Variants in MED25 observed in about 807,000 individuals in gnomAD.
The protein encoded by MED25 is mediator of RNA polymerase II transcription subunit 25.
MED25 carries 62 observed loss-of-function variants against 89.4 expected under a neutral mutation model. The ratio of observed to expected loss-of-function variants is 0.69; its 90% CI spans 0.57 to 0.86. MED25 has a LOEUF of 0.86. Among genes scored for constraint, MED25 ranks in the 40% least tolerant of loss-of-function variants. MED25 has a pLI of 0.00. For missense variants in MED25, 905 were observed against 1,005.2 expected (o/e 0.90, Z 1.35); for synonymous variants, 449 against 427.9 (o/e 1.05, Z -0.61).
At position 49,834,155 on chromosome 19, in the gene MED25, G is replaced by C. The variant is rs973206635; in HGVS notation, c.1483-831G>C. The C allele has an allele frequency of 1.3e-5, 2 of 152,228 alleles. No individual in the cohort carries two copies. The highest frequency in any genetic ancestry group is 2.9e-5 in the Non-Finnish European group (2 of 68,080). 9.4% of individuals were successfully genotyped at this position (152,228 alleles called of 1,614,324 possible). A position where few individuals can be genotyped will look rare whatever the true frequency, so the allele number is the denominator to read the frequency against. On this transcript the variant is annotated intron_variant, in intron 13 of 17. Transcript: ENST00000312865. The surrounding 1 kb of genome is among the most constrained non-coding windows in gnomAD (Gnocchi z 4.1). ...AGGCATTCCTTTCACCTCCTATCCC[G>C]GACCTAGGCCACTGGGCAGCCCCTA... is the stretch of plus-strand genomic sequence containing the variant.
chr19:49,826,904 C>G (rs895953957), intron 3 of MED25, among the ~76,000 whole-genome samples: 3 of 152,084 alleles, frequency 2.0e-5, no homozygotes, highest in Non-Finnish European at 4.4e-5. Context: ...TCGGAGGCCT[C>G]GGATGCTGGG....
downstream of MED25, among the ~76,000 whole-genome samples, chr19:49,837,371 AG>A (rs2074107163): frequency 6.6e-6 from 1 of 152,222 alleles, no homozygotes; most frequent in Non-Finnish European, 1.5e-5. Flanking sequence ...AGACATTGAG[AG>A]GAGCAAGTTG....
chr19:49,823,753 G>A lies in MED25; in HGVS notation c.305+4457G>A, dbSNP rs562147080. On this transcript the variant is annotated intron_variant, in intron 3 of 17. Transcript: ENST00000312865. ...AAGGTGACACAGAAGCTTCCCCTTC[G>A]CGGTAGCTGGAATTCGTAGGTAACA... is the stretch of plus-strand genomic sequence containing the variant. 1.1e-4 allele frequency among the ~76,000 whole-genome samples: 17 copies of A among 152,256 alleles called. No individual in the cohort carries two copies. In the South Asian group the frequency reaches 1.4e-3, roughly 13 times the overall value.
At chr19:49,821,642 G>A (rs990293579) in intron 3 of MED25, among the ~76,000 whole-genome samples, 3 of 151,486 alleles carry the variant, frequency 2.0e-5, no homozygotes, top group African/African-American at 7.3e-5. Context: ...ACCTCCCTAA[G>A]TGCTGGAGTG....
Position 49,830,649 on chromosome 19 carries a change from C to T in MED25, c.908-45C>T, listed in dbSNP as rs775214923. Reference sequence around the variant, plus strand: ...GCGGGCAGGGGCCAGGCAGGCCTCTCTCCACACACTTGTTCCCCACTTCTT... The same window carrying T: ...GCGGGCAGGGGCCAGGCAGGCCTCTTTCCACACACTTGTTCCCCACTTCTT... On this transcript the variant is annotated intron_variant, in intron 8 of 17. Transcript: ENST00000312865. This position sits in a 1 kb window ranked among gnomAD's most constrained non-coding sequence, Gnocchi z 4.6. 1.2e-6 allele frequency: 2 copies of T among 1,612,494 alleles called. No individual in the cohort carries two copies. The highest frequency in any genetic ancestry group is 1.7e-5 in the Admixed American group (1 of 60,004).
At chr19:49,837,218 T>C (rs1396266506), downstream of MED25, among the ~76,000 whole-genome samples, 5 of 152,150 alleles carry the variant, frequency 3.3e-5, no homozygotes, top group African/African-American at 1.2e-4. Flanking sequence ...CATGGGAGCC[T>C]GGAAGAGGCA....
chr19:49,831,527 C>T lies in MED25; in HGVS notation c.1230+66C>T. The stretch of plus-strand genomic sequence containing the variant: ...GGGCCGTGGGGCTGGGCATGTAGGA[C>T]TCATGGGGCCAGATGCGTGGGGTCT... On this transcript the variant is annotated intron_variant, in intron 10 of 17. Transcript: ENST00000312865. This position sits in a 1 kb window ranked among gnomAD's most constrained non-coding sequence, Gnocchi z 5.0. 1 of 1,566,180 alleles carries T rather than the reference C, an allele frequency of 6.4e-7. No homozygotes were observed. The highest frequency in any genetic ancestry group is 1.7e-4 in the Middle Eastern group (1 of 5,864).
intron 3 of MED25, among the ~76,000 whole-genome samples, chr19:49,824,410 C>G (rs1362898184): frequency 6.6e-6 from 1 of 151,966 alleles, no homozygotes; most frequent in Non-Finnish European, 1.5e-5. Context: ...GTATGTAATA[C>G]AAAAACAACA....
chr19:49,819,182 C>T lies in MED25; in HGVS notation c.191C>T (p.Thr64Ile). 6.2e-7 allele frequency: 1 copy of T among 1,614,186 alleles called. No individual in the cohort carries two copies. Among genetic ancestry groups the T allele is most frequent in the African/African-American group, 1.3e-5 (1 of 75,052 alleles). Residue 64 changes from threonine (T) to isoleucine (I), a missense_variant, in exon 3 of 18, where the codon ACC becomes ATC. Thr to Ile is a moderately conservative substitution (Grantham distance 89). Transcript: ENST00000312865. The stretch of plus-strand genomic sequence containing the variant: ...GTCCTCCCCTCCCAGTATGGGGGGA[C>T]CCAGTACAGCCTCGTGGTGTTCAAC... ...ETDFGGDYGG[T>I]QYSLVVFNTV...
chr19:49,829,651 G>A lies in MED25; in HGVS notation c.526-135G>A. 1 of 949,170 alleles carries A rather than the reference G, an allele frequency of 1.1e-6. No individual in the cohort carries two copies. Among genetic ancestry groups the A allele is most frequent in the Non-Finnish European group, 1.6e-6 (1 of 635,786 alleles). 58.8% of individuals were successfully genotyped at this position (949,170 alleles called of 1,614,324 possible). On this transcript the variant is annotated intron_variant, in intron 5 of 17. Transcript: ENST00000312865. The surrounding 1 kb of genome is among the most constrained non-coding windows in gnomAD (Gnocchi z 4.6). ...GTGATACCTGGTTTCAGGGTCTCCT[G>A]CCTCAAAGCCCAATGGGAATTGTGG...
In MED25 at chr19:49,835,051, G is replaced by A. The variant is rs370402922; in HGVS notation, c.1548G>A (p.Ser516=). 33 of 1,613,942 alleles carry A rather than the reference G, an allele frequency of 2.0e-5. No homozygotes were observed. The highest frequency in any genetic ancestry group is 8.0e-5 in the African/African-American group (6 of 74,860). Residue 516 remains serine (S), a synonymous_variant, in exon 14 of 18, where the codon TCG becomes TCA. Coordinates refer to ENST00000312865, the MANE Select transcript of MED25 (RefSeq NM_030973.4). The surrounding 1 kb of genome is among the most constrained non-coding windows in gnomAD (Gnocchi z 6.2). ...CEVRVLMLLY[S]SKKKIFMGLI... is the part of the protein sequence containing the mutation. ...TGCGCGTGCTCATGCTCCTGTACTC[G>A]TCCAAGAAGAAGATCTTCATGGGCC...
At chr19:49,825,227 A>G (rs1358487608) in intron 3 of MED25, among the ~76,000 whole-genome samples, 1 of 152,010 alleles carries the variant, frequency 6.6e-6, no homozygotes, top group Non-Finnish European at 1.5e-5. Flanking sequence ...AGTTTATCAC[A>G]CTTTTCCTCA....
Position 49,836,379 on chromosome 19 carries a change from C to A in MED25, c.2119C>A (p.Gln707Lys), listed in dbSNP as rs1446947813. ...HPPPAQSWPAQLPPRAPLPGQ... is the reference protein window; with the variant it reads ...HPPPAQSWPAKLPPRAPLPGQ... ...ACCACCTGCCCAGTCCTGGCCCGCA[C>A]AACTTCCCCCTCGGGCTCCACTGCC... The change falls in exon 17 of 18, where the codon CAA becomes AAA. Residue 707 changes from glutamine (Q) to lysine (K), a missense_variant. Coordinates refer to ENST00000312865, the MANE Select transcript of MED25 (RefSeq NM_030973.4). The surrounding 1 kb of genome is among the most constrained non-coding windows in gnomAD (Gnocchi z 5.1). 19 of 1,604,078 alleles carry A rather than the reference C, an allele frequency of 1.2e-5. No homozygotes were observed. The highest frequency in any genetic ancestry group is 1.6e-5 in the Non-Finnish European group (19 of 1,175,582).
chr19:49,831,474 A>C lies in MED25; in HGVS notation c.1230+13A>C, dbSNP rs1156509964. ...GGAGTGGCAAGAGGTGAGGGGCCTG[A>C]GGGTCCATTGGGCACTTGGGACTCC... On this transcript the variant is annotated intron_variant, in intron 10 of 17. Coordinates refer to ENST00000312865, the MANE Select transcript of MED25 (RefSeq NM_030973.4). The surrounding 1 kb of genome is among the most constrained non-coding windows in gnomAD (Gnocchi z 5.0). The C allele has an allele frequency of 1.2e-6, 2 of 1,610,846 alleles. No homozygotes were observed. The highest frequency in any genetic ancestry group is 2.2e-5 in the South Asian group (2 of 90,362).
intron 4 of MED25, 63 bp from the exon 5 acceptor site, chr19:49,828,907 G>GT: frequency 6.2e-7 from 1 of 1,609,140 alleles, no homozygotes; most frequent in East Asian, 2.2e-5. Flanking sequence ...CTGGTGCTGG[G>GT]TCTGGGTTCC....
chr19:49,838,325 A>C (rs2074113798), downstream of MED25: 1 of 347,452 alleles, frequency 2.9e-6, no homozygotes, highest in Non-Finnish European at 5.7e-6. Context: ...CAAAATCTGC[A>C]GTCTTGGCTT....
chr19:49,828,527 C>G lies in MED25; in HGVS notation c.384C>G (p.Phe128Leu), dbSNP rs1204577575. The change falls in exon 4 of 18, where the codon TTC becomes TTG. Residue 128 changes from phenylalanine (F) to leucine (L), a missense_variant. Physicochemically the swap from Phe to Leu is conservative, Grantham distance 22. Coordinates refer to ENST00000312865, the MANE Select transcript of MED25 (RefSeq NM_030973.4). ...CAGCCTTGCAGCTGTTTGATGACTT[C>G]AAGAAGATGCGCGAGCAGATGTGAG... ...LSTALQLFDD[F>L]KKMREQIGQT... 5 of 1,613,954 alleles carry G rather than the reference C, an allele frequency of 3.1e-6. No individual in the cohort carries two copies. The highest frequency in any genetic ancestry group is 1.3e-5 in the African/African-American group (1 of 75,058).
At chr19:49,825,210 A>C (rs371667145) in intron 3 of MED25, among the ~76,000 whole-genome samples, 1 of 151,978 alleles carries the variant, frequency 6.6e-6, no homozygotes, top group African/African-American at 2.4e-5. Context: ...AGCATCTCAA[A>C]CTGGTTAGTT....
chr19:49,819,435 C>T (rs906540466), intron 3 of MED25, 139 bp downstream of exon 3: 1 of 899,692 alleles, frequency 1.1e-6, no homozygotes, highest in African/African-American at 1.7e-5. Flanking sequence ...CCGTGAGGGG[C>T]TGTGAATAAG....
Sources: gnomAD v4.1 joint callset for allele counts (sites outside exome capture counted in the v4.1 genomes callset) on GRCh38, gnomAD v4.1.1 for gene constraint, Gnocchi (gnomAD v3.1) non-coding constraint, MANE v1.5 for transcripts, NCBI Gene and HGNC (gene_info 2026-07-23, HGNC 2026-07-21) for gene names.